The following SHANK2 variants were observed in gnomAD, a reference collection of about 807,000 sequenced individuals.
SHANK2 encodes the protein SH3 and multiple ankyrin repeat domains 2, also known as SH3 and multiple ankyrin repeat domains protein 2.
SHANK2 carries 43 observed loss-of-function variants against 133.7 expected under a neutral mutation model. That is an observed-to-expected ratio of 0.32 (90% CI 0.25 to 0.41). The LOEUF (loss-of-function observed/expected upper bound fraction) is 0.41. Ranked by LOEUF, SHANK2 falls within the 10% of genes least tolerant of loss-of-function variation. The probability of loss-of-function intolerance (pLI) is 1.00; values close to 1 mark genes in which losing one functional copy is unlikely to be tolerated. For missense variants in SHANK2, 1,994 were observed against 2,235.8 expected (o/e 0.89, Z 2.18); for synonymous variants, 1,017 against 952.8 (o/e 1.07, Z -1.24).
At chr11:71,135,656 A>G (rs1444088054) in intron 3 of SHANK2, among the ~76,000 whole-genome samples, 1 of 151,982 alleles carries the variant, frequency 6.6e-6, no homozygotes, top group Non-Finnish European at 1.5e-5. Context: ...GGGTTTCACC[A>G]TGTTGGCCAG....
chr11:70,954,062 C>A (rs1480757388), intron 10 of SHANK2, among the ~76,000 whole-genome samples: 1 of 152,242 alleles, frequency 6.6e-6, no homozygotes, highest in African/African-American at 2.4e-5. Flanking sequence ...AGCAGCACAA[C>A]AGGGACATCC....
intron 15 of SHANK2, among the ~76,000 whole-genome samples, chr11:70,665,433 C>A (rs1944661687): frequency 6.6e-6 from 1 of 152,188 alleles, no homozygotes; most frequent in Non-Finnish European, 1.5e-5. Context: ...AGCCACCACA[C>A]CCTGCTCCAT....
chr11:70,837,795 C>A (rs552413768), intron 11 of SHANK2, among the ~76,000 whole-genome samples: 1 of 151,456 alleles, frequency 6.6e-6, no homozygotes, highest in African/African-American at 2.4e-5. Context: ...GCCAACATAG[C>A]GAAACCCTGT....
chr11:70,591,959 A>C (rs1591621088), intron 17 of SHANK2, among the ~76,000 whole-genome samples: 1 of 152,148 alleles, frequency 6.6e-6, no homozygotes, highest in East Asian at 1.9e-4. Context: ...CCGAGGTTGC[A>C]GTGAGCTGAG....
chr11:71,096,637 T>A (rs1384632979), intron 6 of SHANK2, among the ~76,000 whole-genome samples: 2 of 152,134 alleles, frequency 1.3e-5, no homozygotes, highest in African/African-American at 4.8e-5. Flanking sequence ...GCCACCAATA[T>A]CGACGCTGAA....
At chr11:70,613,489 C>T (rs561917231) in intron 17 of SHANK2, among the ~76,000 whole-genome samples, 2 of 152,242 alleles carry the variant, frequency 1.3e-5, no homozygotes, top group African/African-American at 2.4e-5. Flanking sequence ...AGGCATGAGC[C>T]GCCGCACCCG....
rs140951860 is a variant in SHANK2, at chr11:70,930,701, T to G, written c.1108-34134A>C. 5.6e-3 allele frequency among the ~76,000 whole-genome samples: 825 copies of G among 148,602 alleles called. 10 individuals carry two copies. Among genetic ancestry groups the G allele is most frequent in the African/African-American group, 0.017 (687 of 39,984 alleles). ...TTTTTTGAGACAATGTCTCACTCAG[T>G]TTCCCAGGCTGGAGGCTGGAGTGTA... On this transcript the variant is annotated intron_variant, in intron 10 of 25. Coordinates refer to ENST00000601538, the MANE Select transcript of SHANK2 (RefSeq NM_012309.5).
rs143500149 is a variant in SHANK2, at chr11:70,684,292, C to T, written c.1853+14396G>A. 5.7e-3 allele frequency among the ~76,000 whole-genome samples: 873 copies of T among 152,230 alleles called. 1 individual carries two copies. Among genetic ancestry groups the T allele is most frequent in the African/African-American group, 9.8e-3 (408 of 41,536 alleles). On this transcript the variant is annotated intron_variant, in intron 15 of 25. Transcript: ENST00000601538. ...TCAAAGGCACACTCCTGGCTGGGCA[C>T]GGCGCATGCATCCCAGCAGTATGGG...
At chr11:70,729,960 C>T (rs1177686343) in intron 14 of SHANK2, among the ~76,000 whole-genome samples, 1 of 151,208 alleles carries the variant, frequency 6.6e-6, no homozygotes, top group Non-Finnish European at 1.5e-5. Flanking sequence ...CCCAAACCTG[C>T]TCCACCACCT....
At chr11:70,865,515 G>A (rs1555068841) in intron 11 of SHANK2, among the ~76,000 whole-genome samples, 1 of 152,176 alleles carries the variant, frequency 6.6e-6, no homozygotes, top group African/African-American at 2.4e-5. Flanking sequence ...GTGCCGGAAT[G>A]GCCAGGCTGA....
In SHANK2 at chr11:71,196,871, G is replaced by A. The variant is rs935032772; in HGVS notation, c.-13+27826C>T. On this transcript the variant is annotated intron_variant, in intron 2 of 25. Coordinates refer to ENST00000601538, the MANE Select transcript of SHANK2 (RefSeq NM_012309.5). The stretch of plus-strand genomic sequence containing the variant: ...AAGTTAGCTGGGCATGGTGGCGGGC[G>A]CCTATAATCCCAGCTACTCAGGAGG... Among the ~76,000 whole-genome samples the A allele has an allele frequency of 7.9e-5, 12 of 151,876 alleles. 1 individual carries two copies. The highest frequency in any genetic ancestry group is 4.2e-4 in the South Asian group (2 of 4,794).
chr11:70,914,258 C>T (rs538237156), intron 10 of SHANK2, among the ~76,000 whole-genome samples: 14 of 152,220 alleles, frequency 9.2e-5, no homozygotes, highest in East Asian at 7.7e-4. Flanking sequence ...AATGGGGTTC[C>T]GCTGAGACAC....
chr11:70,480,098 G>A (rs1036498583), intron 25 of SHANK2, among the ~76,000 whole-genome samples: 3 of 152,180 alleles, frequency 2.0e-5, no homozygotes, highest in Non-Finnish European at 4.4e-5. Context: ...AGCCATATCT[G>A]GAACTCCATT....
At chr11:70,838,855 C>T (rs1343100439) in intron 11 of SHANK2, among the ~76,000 whole-genome samples, 1 of 152,190 alleles carries the variant, frequency 6.6e-6, no homozygotes, top group Admixed American at 6.5e-5. Flanking sequence ...CCTCCAACCC[C>T]TGAATCCACA....
chr11:70,541,140 T>C (rs537735909), intron 17 of SHANK2, among the ~76,000 whole-genome samples: 22 of 152,348 alleles, frequency 1.4e-4, no homozygotes, highest in Admixed American at 1.2e-3. Flanking sequence ...GGGTCCTCCA[T>C]AGGAGGCCTT....
intron 17 of SHANK2, among the ~76,000 whole-genome samples, chr11:70,505,031 G>A (rs117592478): frequency 0.015 from 2,221 of 152,228 alleles, 23 homozygotes; most frequent in Non-Finnish European, 0.025. Flanking sequence ...GGAAGTTTGC[G>A]TCCTCATCAG....
At position 70,704,467 on chromosome 11, in the gene SHANK2, G is replaced by T. The variant is rs561434144; in HGVS notation, c.1778-5704C>A. ...CAAGCAGCCCACCCGGCACACAGGG[G>T]TGCATATGTGGGTGTGGTCTAGGGA... On this transcript the variant is annotated intron_variant, in intron 14 of 25. Coordinates refer to ENST00000601538, the MANE Select transcript of SHANK2 (RefSeq NM_012309.5). 2.0e-5 allele frequency among the ~76,000 whole-genome samples: 3 copies of T among 152,324 alleles called. No individual in the cohort carries two copies. In the South Asian group the frequency reaches 6.2e-4, roughly 32 times the overall value.
intron 1 of SHANK2, among the ~76,000 whole-genome samples, chr11:71,246,174 CTG>C (rs1463771813): frequency 1.3e-5 from 2 of 152,020 alleles, no homozygotes; most frequent in Non-Finnish European, 2.9e-5. Context: ...GCCCGGAAGT[CTG>C]TGTCAGCTCC....
intron 11 of SHANK2, among the ~76,000 whole-genome samples, chr11:70,856,574 G>A (rs1421392765): frequency 6.6e-6 from 1 of 152,068 alleles, no homozygotes; most frequent in Non-Finnish European, 1.5e-5. Context: ...ATGAATGGGA[G>A]GGTAGATAGA....
Sources: gnomAD v4.1 joint callset for allele counts (sites outside exome capture counted in the v4.1 genomes callset) on GRCh38, gnomAD v4.1.1 for gene constraint, MANE v1.5 for transcripts, NCBI Gene and HGNC (gene_info 2026-07-23, HGNC 2026-07-21) for gene names.